Variants in PATL2 observed in about 807,000 individuals in gnomAD.
PATL2 encodes the protein protein PAT1 homolog 2.
PATL2 carries 73 observed loss-of-function variants against 77.0 expected under a neutral mutation model. The observed-to-expected ratio is 0.95, with a 90% CI of 0.78 to 1.15. PATL2 has a LOEUF of 1.15. Among genes scored for constraint, PATL2 ranks in the 50% most tolerant of loss-of-function variants. PATL2 has a pLI of 0.00. For missense variants in PATL2, 618 were observed against 655.4 expected, an observed-to-expected ratio of 0.94 and a Z score of 0.62; for synonymous variants, 265 against 257.1, an observed-to-expected ratio of 1.03 and a Z score of -0.29.
chr15:44,669,577 G>A lies in PATL2; in HGVS notation c.877-14C>T, dbSNP rs2085559713. The A allele has an allele frequency of 1.3e-6, 2 of 1,550,126 alleles. No individual in the cohort carries two copies. The highest frequency in any genetic ancestry group is 2.4e-5 in the East Asian group (1 of 40,914). ...AGCTTCTATATCCTAGGAGAAGGGA[G>A]TCACCAGCTATCAGCTACACTGCCA... On this transcript the variant is annotated splice_polypyrimidine_tract_variant and intron_variant, in intron 11 of 17. Coordinates refer to ENST00000682850, the MANE Select transcript of PATL2 (RefSeq NM_001387263.1).
chr15:44,679,420 GT>G (rs1013634862), intron 3 of PATL2, among the ~76,000 whole-genome samples: 1 of 151,752 alleles, frequency 6.6e-6, no homozygotes, highest in Admixed American at 6.6e-5. Context: ...TATAGAAGGG[GT>G]TTCACCATGT....
intron 7 of PATL2, among the ~76,000 whole-genome samples, chr15:44,672,825 T>C (rs1372660662): frequency 6.6e-6 from 1 of 152,204 alleles, no homozygotes; most frequent in African/African-American, 2.4e-5. Flanking sequence ...AGTGGCATGG[T>C]CTCAGCTCAC....
chr15:44,676,971 C>T, intron 3 of PATL2: 3 of 964,286 alleles, frequency 3.1e-6, no homozygotes, highest in Non-Finnish European at 3.7e-6. Context: ...CCCTGCTCAC[C>T]CATTAAAGGG....
At position 44,669,594 on chromosome 15, in the gene PATL2, ACACTGC is replaced by A. The variant is rs3840010; in HGVS notation, c.877-37_877-32del. The A allele has an allele frequency of 1.7e-5, 27 of 1,548,038 alleles. No individual in the cohort carries two copies. In the East Asian group the frequency reaches 6.6e-4, roughly 38 times the overall value. On this transcript the variant is annotated intron_variant, in intron 11 of 17. Transcript: ENST00000682850. The stretch of plus-strand genomic sequence containing the variant: ...AGAAGGGAGTCACCAGCTATCAGCT[ACACTGC>A]CACTGCCACAGCCCTAGCCCAGGCC...
At chr15:44,696,399 A>T (rs1047862005) in intron 3 of PATL2, among the ~76,000 whole-genome samples, 7 of 152,246 alleles carry the variant, frequency 4.6e-5, no homozygotes, top group African/African-American at 1.4e-4. Context: ...ATAATTAAGG[A>T]TGAATAATAC....
At position 44,669,842 on chromosome 15, in the gene PATL2, C is replaced by T. The variant is rs892789170; in HGVS notation, c.811G>A (p.Ala271Thr). 2.3e-5 allele frequency: 36 copies of T among 1,551,568 alleles called. No homozygotes were observed. Among genetic ancestry groups the T allele is most frequent in the Non-Finnish European group, 2.8e-5 (32 of 1,147,008 alleles). The change falls in exon 11 of 18, where the codon GCT becomes ACT. Residue 271 changes from alanine (A) to threonine (T), a missense_variant. Physicochemically the swap from Ala to Thr is moderately conservative, Grantham distance 58. Transcript: ENST00000682850. Reference protein sequence around the residue: ...VRIEGSLGQVAVSTCFSPRRA... With the variant: ...VRIEGSLGQVTVSTCFSPRRA... Reference sequence around the variant, plus strand: ...CGAGGGCTGAAGCATGTCGACACAGCTACCTGGCCCAGGGAACCCTCGATT... The same window carrying T: ...CGAGGGCTGAAGCATGTCGACACAGTTACCTGGCCCAGGGAACCCTCGATT...
chr15:44,694,906 G>A (rs2086470131), intron 3 of PATL2, among the ~76,000 whole-genome samples: 1 of 152,114 alleles, frequency 6.6e-6, no homozygotes, highest in African/African-American at 2.4e-5. Flanking sequence ...CTTAGCTGCT[G>A]TTACCCACAC....
chr15:44,669,963 C>T lies in PATL2; in HGVS notation c.778+4G>A. On this transcript the variant is annotated splice_donor_region_variant and intron_variant, in intron 10 of 17. Coordinates refer to ENST00000682850, the MANE Select transcript of PATL2 (RefSeq NM_001387263.1). ...CCAAGTCAGCAGGTCAGCCCTGACC[C>T]TACCGGACTCATAAGCCTCTGCCTT... The T allele has an allele frequency of 6.5e-7, 1 of 1,549,166 alleles. No individual in the cohort carries two copies. The highest frequency in any genetic ancestry group is 8.7e-7 in the Non-Finnish European group (1 of 1,145,780).
intron 3 of PATL2, among the ~76,000 whole-genome samples, chr15:44,677,256 G>T (rs774174713): frequency 6.6e-6 from 1 of 152,212 alleles, no homozygotes; most frequent in Middle Eastern, 3.4e-3. Context: ...AGATCCTGGG[G>T]AGGATGCCTA....
Position 44,668,982 on chromosome 15 carries a change from G to C in PATL2, c.1222C>G (p.Gln408Glu), listed in dbSNP as rs528374242. 644 of 1,540,614 alleles carry C rather than the reference G, an allele frequency of 4.2e-4. 1 individual carries two copies. The highest frequency in any genetic ancestry group is 5.4e-4 in the Non-Finnish European group (612 of 1,140,568). ...PLLVRRDVADQALQMLFKPLG... is the reference protein window; with the variant it reads ...PLLVRRDVADEALQMLFKPLG... Reference sequence around the variant, plus strand: ...TTCTCCACTCAATGCCACAGTACCTGATCAGCCACATCCCTCCGGACCAGG... The same window carrying C: ...TTCTCCACTCAATGCCACAGTACCTCATCAGCCACATCCCTCCGGACCAGG... Residue 408 changes from glutamine to glutamate, a missense_variant and splice_region_variant, in exon 14 of 18, where the codon CAG becomes GAG. Transcript: ENST00000682850.
intron 3 of PATL2, among the ~76,000 whole-genome samples, chr15:44,680,491 C>A (rs1020522368): frequency 6.6e-6 from 1 of 152,148 alleles, no homozygotes; most frequent in Non-Finnish European, 1.5e-5. Context: ...AGGCCCCCCA[C>A]CTTGCACTTC....
At chr15:44,672,296 A>G in intron 8 of PATL2, 92 bp downstream of exon 8, 1 of 1,523,526 alleles carries the variant, frequency 6.6e-7, no homozygotes, top group African/African-American at 1.4e-5. Flanking sequence ...TTTAACCACC[A>G]CATGGGAGAT....
intron 3 of PATL2, among the ~76,000 whole-genome samples, chr15:44,686,605 T>G (rs886626502): frequency 6.6e-6 from 1 of 151,846 alleles, no homozygotes; most frequent in Non-Finnish European, 1.5e-5. Context: ...CTTCAAAAAA[T>G]CAGTGAATCC....
Position 44,676,552 on chromosome 15 carries a change from T to C in PATL2, c.-62A>G. ...CTCCAGTGAAACAGCATTGCCAGCC[T>C]CTGGAAGGTAAACCTGAGACAAGAA... On this transcript the variant is annotated 5_prime_UTR_variant, in exon 4 of 18. Coordinates refer to ENST00000682850, the MANE Select transcript of PATL2 (RefSeq NM_001387263.1). 1 of 1,550,692 alleles carries C rather than the reference T, an allele frequency of 6.4e-7. No individual in the cohort carries two copies. Among genetic ancestry groups the C allele is most frequent in the Non-Finnish European group, 8.7e-7 (1 of 1,146,414 alleles).
chr15:44,667,612 T>C (rs187131503), intron 15 of PATL2, among the ~76,000 whole-genome samples: 6 of 152,304 alleles, frequency 3.9e-5, no homozygotes, highest in Admixed American at 2.6e-4. Context: ...AATTTTCACA[T>C]CTAGAGTCTC....
At position 44,675,546 on chromosome 15, in the gene PATL2, T is replaced by C. The variant is rs1332242403; in HGVS notation, c.162A>G (p.Leu54=). Residue 54 remains leucine, a synonymous_variant, in exon 5 of 18, where the codon CTA becomes CTG. Transcript: ENST00000682850. ...CCCCAAGATCATTCTCTTCCTCCTCTAGGTCTGGGTCCAGATCTGGGTCCA... is the reference window on the plus strand; with the variant it reads ...CCCCAAGATCATTCTCTTCCTCCTCCAGGTCTGGGTCCAGATCTGGGTCCA... ...EDLDPDLDPD[L]EEEENDLGDP... is the part of the protein sequence containing the mutation. 1 of 1,551,922 alleles carries C rather than the reference T, an allele frequency of 6.4e-7. No homozygotes were observed. Among genetic ancestry groups the C allele is most frequent in the South Asian group, 1.2e-5 (1 of 84,066 alleles).
chr15:44,678,506 C>T (rs1334536136), intron 3 of PATL2, among the ~76,000 whole-genome samples: 1 of 152,288 alleles, frequency 6.6e-6, no homozygotes, highest in East Asian at 1.9e-4. Flanking sequence ...GATGTTCTAA[C>T]TTTCCTGCCA....
At chr15:44,667,273 T>G (rs1230074139) in intron 15 of PATL2, 70 bp from the exon 16 acceptor site, 2 of 1,107,810 alleles carry the variant, frequency 1.8e-6, no homozygotes, top group East Asian at 5.2e-5. Flanking sequence ...TTCCTGACTC[T>G]TATCTTCCCA....
At chr15:44,704,155 ATTTT>A (rs374729545) in intron 3 of PATL2, among the ~76,000 whole-genome samples, 4 of 134,028 alleles carry the variant, frequency 3.0e-5, no homozygotes, top group Admixed American at 7.5e-5. Flanking sequence ...TGTCTGGCTA[ATTTT>A]TTTTTTTTTT....
Sources: gnomAD v4.1 joint callset for allele counts (sites outside exome capture counted in the v4.1 genomes callset) on GRCh38, gnomAD v4.1.1 for gene constraint, MANE v1.5 for transcripts, NCBI Gene and HGNC (gene_info 2026-07-23, HGNC 2026-07-21) for gene names.